Variants in TENM3 observed in about 807,000 individuals in gnomAD.
TENM3 encodes teneurin-3.
Under a neutral mutation model 255.1 loss-of-function variants are expected in TENM3, and 63 were observed. The ratio of observed to expected loss-of-function variants is 0.25; its 90% confidence interval spans 0.20 to 0.30. TENM3 has a LOEUF of 0.30. TENM3 is among the 10% of genes least tolerant of loss of function. TENM3 has a pLI of 1.00. For missense variants in TENM3, 2,929 were observed against 3,461.1 expected, an observed-to-expected ratio of 0.85 and a Z score of 3.86; for synonymous variants, 1,306 against 1,322.3, an observed-to-expected ratio of 0.99 and a Z score of 0.27.
chr4:181,995,026 T>A, the TENM3 span, among the ~76,000 whole-genome samples: 1 of 152,190 alleles, frequency 6.6e-6, no homozygotes, highest in Admixed American at 6.5e-5. Context: ...CAGTGGCTCA[T>A]GCCTGTAATC....
rs530359955 is a variant in TENM3, at chr4:182,580,774, A to G, written c.512-20150A>G. ...CCTGATGGGTCAACTTTGATTGCAA[A>G]TTATGTGTGGTACATTTTGAATTTA... On this transcript the variant is annotated intron_variant, in intron 3 of 27. Coordinates refer to ENST00000511685, the MANE Select transcript of TENM3 (RefSeq NM_001080477.4). Among the ~76,000 whole-genome samples, 159 of 152,316 alleles carry G rather than the reference A, an allele frequency of 1.0e-3. 2 individuals carry two copies. In the Middle Eastern group the frequency reaches 0.014, roughly 13 times the overall value.
chr4:182,476,275 T>C (rs1015210494), intron 3 of TENM3, among the ~76,000 whole-genome samples: 2 of 152,216 alleles, frequency 1.3e-5, no homozygotes, highest in African/African-American at 2.4e-5. Flanking sequence ...AAAACAGATG[T>C]ATTTCTTTTT....
At chr4:182,214,759 A>G (rs1398913718) in intron 1 of TENM3, among the ~76,000 whole-genome samples, 3 of 152,200 alleles carry the variant, frequency 2.0e-5, no homozygotes, top group Admixed American at 2.0e-4. Context: ...TAGGAAAAAA[A>G]TGATGTAAAT....
intron 1 of TENM3, among the ~76,000 whole-genome samples, chr4:182,308,029 T>A (rs930996664): frequency 6.6e-6 from 1 of 152,228 alleles, no homozygotes; most frequent in Admixed American, 6.5e-5. Context: ...AACATTTTTA[T>A]CTACTGACTA....
At position 182,676,806 on chromosome 4, in the gene TENM3, A is replaced by G. The variant is rs188563223; in HGVS notation, c.1327-2860A>G. 3.2e-3 allele frequency among the ~76,000 whole-genome samples: 485 copies of G among 152,336 alleles called. 6 individuals are homozygous for G. The highest frequency in any genetic ancestry group is 0.011 in the African/African-American group (471 of 41,578). ...AAATGAGGATTTTTAAAGCGTGTAT[A>G]TTTGGTAATATTAAATCGTAAGAAA... On this transcript the variant is annotated intron_variant, in intron 7 of 27. Coordinates refer to ENST00000511685, the MANE Select transcript of TENM3 (RefSeq NM_001080477.4).
intron 1 of TENM3, among the ~76,000 whole-genome samples, chr4:182,267,317 T>C (rs897439466): frequency 6.6e-6 from 1 of 152,218 alleles, no homozygotes; most frequent in Non-Finnish European, 1.5e-5. Context: ...TCTTAACTTA[T>C]GGCAATATAA....
intron 3 of TENM3, among the ~76,000 whole-genome samples, chr4:182,359,956 T>A (rs1220666661): frequency 6.6e-6 from 1 of 152,052 alleles, no homozygotes; most frequent in Admixed American, 6.5e-5. Flanking sequence ...ACATCTTTAT[T>A]TCTGCCTTCA....
At chr4:182,283,554 T>C (rs1292657414) in intron 1 of TENM3, among the ~76,000 whole-genome samples, 2 of 152,216 alleles carry the variant, frequency 1.3e-5, no homozygotes, top group African/African-American at 2.4e-5. Flanking sequence ...TAAATGTATC[T>C]GGTTGGCTCC....
At chr4:181,515,826 T>C in the TENM3 span, among the ~76,000 whole-genome samples, 31,801 of 152,040 alleles carry the variant, frequency 0.21, 4,179 homozygotes, top group Non-Finnish European at 0.3. Flanking sequence ...CAACATTTGA[T>C]ACAGCAATCC....
At chr4:182,064,111 G>A in the TENM3 span, among the ~76,000 whole-genome samples, 1 of 151,498 alleles carries the variant, frequency 6.6e-6, no homozygotes, top group East Asian at 1.9e-4. Context: ...CTCCTCAACC[G>A]TGTAATACCT....
the TENM3 span, among the ~76,000 whole-genome samples, chr4:181,707,463 G>T: frequency 6.6e-6 from 1 of 152,138 alleles, no homozygotes; most frequent in Admixed American, 6.5e-5. Context: ...ATATAATCTA[G>T]AATTATTGAT....
chr4:181,517,346 T>G, the TENM3 span, among the ~76,000 whole-genome samples: 2 of 152,092 alleles, frequency 1.3e-5, no homozygotes, highest in Non-Finnish European at 2.9e-5. Context: ...TTTTCCAAAG[T>G]CAAATAAAGC....
chr4:181,791,293 T>C, the TENM3 span, among the ~76,000 whole-genome samples: 1 of 152,242 alleles, frequency 6.6e-6, no homozygotes. Context: ...TTATGACTTC[T>C]TTAAATGCCT....
chr4:182,153,588 CT>C (rs1561143033), intron 1 of TENM3, among the ~76,000 whole-genome samples: 1 of 152,090 alleles, frequency 6.6e-6, no homozygotes, highest in African/African-American at 2.4e-5. Context: ...AAATCTAGTT[CT>C]AGTTCAGCTC....
At chr4:182,217,342 T>C (rs1399753155) in intron 1 of TENM3, among the ~76,000 whole-genome samples, 1 of 152,022 alleles carries the variant, frequency 6.6e-6, no homozygotes, top group Non-Finnish European at 1.5e-5. Flanking sequence ...ATCGTTTCTA[T>C]TCATAACTTA....
At chr4:181,742,421 T>G in the TENM3 span, among the ~76,000 whole-genome samples, 13 of 152,112 alleles carry the variant, frequency 8.5e-5, 1 homozygote, top group Admixed American at 8.5e-4. Flanking sequence ...CAACAAATGT[T>G]TAGTCAGGGC....
chr4:182,558,442 C>G (rs1225456376), intron 3 of TENM3, among the ~76,000 whole-genome samples: 1 of 152,094 alleles, frequency 6.6e-6, no homozygotes, highest in Non-Finnish European at 1.5e-5. Context: ...GTTCCTCACC[C>G]GTTTCTGACA....
At chr4:182,097,005 C>T in the TENM3 span, among the ~76,000 whole-genome samples, 1 of 152,072 alleles carries the variant, frequency 6.6e-6, no homozygotes, top group East Asian at 1.9e-4. Flanking sequence ...TTTTTTAAAA[C>T]CTCAAGAAAG....
chr4:181,931,938 T>C, the TENM3 span, among the ~76,000 whole-genome samples: 1 of 152,248 alleles, frequency 6.6e-6, no homozygotes, highest in African/African-American at 2.4e-5. Context: ...ATTTAATAAA[T>C]GGTATTGGGA....
Sources: gnomAD v4.1 joint callset for allele counts (sites outside exome capture counted in the v4.1 genomes callset) on GRCh38, gnomAD v4.1.1 for gene constraint, MANE v1.5 for transcripts, NCBI Gene and HGNC (gene_info 2026-07-23, HGNC 2026-07-21) for gene names.